The following MRPS27 variants were observed in gnomAD, a reference collection of about 807,000 sequenced individuals.
The protein encoded by MRPS27 is mitochondrial ribosomal protein S27, also known as small ribosomal subunit protein mS27.
In MRPS27, 43 loss-of-function variants were observed where a neutral mutation model predicts 48.9. The observed-to-expected ratio is 0.88, with a 90% CI of 0.69 to 1.13. MRPS27 has a LOEUF of 1.13. Ranked by LOEUF, MRPS27 falls within the 50% of genes most tolerant of loss-of-function variation. The pLI, the probability that MRPS27 is intolerant of heterozygous loss-of-function variation, is 0.00. For synonymous variants in MRPS27, 188 were observed against 171.9 expected, an observed-to-expected ratio of 1.09 and a Z score of -0.73; for missense variants, 467 against 476.3, an observed-to-expected ratio of 0.98 and a Z score of 0.18.
At chr5:72,287,947 A>G (rs763961123) in intron 4 of MRPS27, among the ~76,000 whole-genome samples, 35 of 152,228 alleles carry the variant, frequency 2.3e-4, no homozygotes, top group Non-Finnish European at 4.6e-4. Flanking sequence ...CTATACAAAG[A>G]CTTGTGCATG....
chr5:72,318,638 T>C (rs1750631738), intron 1 of MRPS27, among the ~76,000 whole-genome samples: 2 of 151,500 alleles, frequency 1.3e-5, no homozygotes, highest in Non-Finnish European at 2.9e-5. Flanking sequence ...CTACTGAAAA[T>C]ACAAAATTAG....
intron 4 of MRPS27, among the ~76,000 whole-genome samples, chr5:72,287,754 T>C (rs1317356042): frequency 2.0e-5 from 3 of 152,238 alleles, no homozygotes; most frequent in East Asian, 1.9e-4. Context: ...ACTAAACACA[T>C]GTTGGTATGG....
intron 4 of MRPS27, among the ~76,000 whole-genome samples, chr5:72,268,796 G>A (rs184123034): frequency 2.3e-4 from 35 of 152,294 alleles, no homozygotes; most frequent in Non-Finnish European, 4.6e-4. Context: ...AGATACAAGT[G>A]ATTATTATTT....
intron 4 of MRPS27, among the ~76,000 whole-genome samples, chr5:72,266,304 G>A (rs1000868661): frequency 6.6e-6 from 1 of 152,108 alleles, no homozygotes; most frequent in African/African-American, 2.4e-5. Flanking sequence ...TGAACCATCC[G>A]TAACGTGGTG....
At chr5:72,239,995 T>A (rs552719159) in intron 4 of MRPS27, among the ~76,000 whole-genome samples, 60 of 152,294 alleles carry the variant, frequency 3.9e-4, no homozygotes, top group African/African-American at 1.4e-3. Context: ...AAGAAAAAAG[T>A]CAAGTGAAGT....
In MRPS27 at chr5:72,244,611, C is replaced by T. The variant is rs189407147; in HGVS notation, c.282-6483G>A. Among the ~76,000 whole-genome samples, 33 of 152,332 alleles carry T rather than the reference C, an allele frequency of 2.2e-4. 1 individual carries two copies. The Middle Eastern group carries it at 0.01, about 47-fold the overall frequency. On this transcript the variant is annotated intron_variant, in intron 4 of 10. Transcript: ENST00000261413. ...CTTCATTTAAGTATTTACTGAGTAG[C>T]TACCTTTTGCTCAGGCATGGTGATC...
chr5:72,279,522 G>A (rs931211934), intron 4 of MRPS27, among the ~76,000 whole-genome samples: 10 of 152,048 alleles, frequency 6.6e-5, no homozygotes, highest in Admixed American at 1.3e-4. Context: ...TTTAGGAGGC[G>A]AAGATGGGAG....
intron 4 of MRPS27, among the ~76,000 whole-genome samples, chr5:72,262,969 C>T (rs1011106487): frequency 2.0e-5 from 3 of 151,964 alleles, no homozygotes; most frequent in African/African-American, 7.3e-5. Context: ...CCTTTGATAT[C>T]CTGTAAGTAC....
chr5:72,277,426 A>G (rs1463708770), intron 4 of MRPS27, among the ~76,000 whole-genome samples: 4 of 152,120 alleles, frequency 2.6e-5, no homozygotes, highest in Admixed American at 6.5e-5. Flanking sequence ...CAACATGGTG[A>G]AACCCCGTCT....
At chr5:72,229,526 T>C (rs1189668012) in intron 7 of MRPS27, 2 of 151,954 alleles carry the variant, frequency 1.3e-5, no homozygotes, top group South Asian at 2.1e-4. Flanking sequence ...CACCTAAAAC[T>C]GCATGAAAAG....
At chr5:72,266,645 G>A (rs1025523363) in intron 4 of MRPS27, among the ~76,000 whole-genome samples, 2 of 152,150 alleles carry the variant, frequency 1.3e-5, no homozygotes, top group African/African-American at 4.8e-5. Flanking sequence ...AGATCACGAG[G>A]TCAGGAGATC....
chr5:72,283,877 A>G (rs968024943), intron 4 of MRPS27, among the ~76,000 whole-genome samples: 1 of 152,076 alleles, frequency 6.6e-6, no homozygotes, highest in Non-Finnish European at 1.5e-5. Context: ...CTGTCTCTAC[A>G]TTCAACCTGC....
At chr5:72,308,728 A>G (rs917115117) in intron 2 of MRPS27, among the ~76,000 whole-genome samples, 1 of 152,238 alleles carries the variant, frequency 6.6e-6, no homozygotes, top group African/African-American at 2.4e-5. Context: ...GTAAAACCGA[A>G]AACAATGTCC....
Position 72,223,823 on chromosome 5 carries a change from C to G in MRPS27, c.865G>C (p.Ala289Pro). ...GAAGCCCCATCAGCTGAAGTCAGAG[C>G]CTTCAGCACTGCACCCAGCACATCG... ...ALDVLGAVLK[A>P]LTSADGASEE... Residue 289 changes from alanine (A) to proline (P), a missense_variant, in exon 10 of 11, where the codon GCT becomes CCT. Coordinates refer to ENST00000261413, the MANE Select transcript of MRPS27 (RefSeq NM_015084.3). 6.2e-7 allele frequency: 1 copy of G among 1,613,908 alleles called. No homozygotes were observed.
chr5:72,300,758 T>C (rs1489595781), intron 2 of MRPS27, among the ~76,000 whole-genome samples: 8 of 152,218 alleles, frequency 5.3e-5, no homozygotes, highest in Non-Finnish European at 1.5e-5. Flanking sequence ...CCTGACCTTG[T>C]TTTAACTACT....
At chr5:72,266,112 C>CA (rs1749102175) in intron 4 of MRPS27, among the ~76,000 whole-genome samples, 3 of 151,156 alleles carry the variant, frequency 2.0e-5, no homozygotes, top group South Asian at 4.2e-4. Context: ...GTGGAGTAGA[C>CA]AAAAAAATGA....
rs1747708147 is a variant in MRPS27, at chr5:72,220,379, G to A, written c.*530C>T. On this transcript the variant is annotated 3_prime_UTR_variant, in exon 11 of 11. Coordinates refer to ENST00000261413, the MANE Select transcript of MRPS27 (RefSeq NM_015084.3). ...CTACTAAAAATGCAAAAATTAGAAA[G>A]GTGTGGTGGTATGCACCTGTAATCC... The A allele has an allele frequency of 6.5e-6, 1 of 152,846 alleles. No homozygotes were observed. The highest frequency in any genetic ancestry group is 2.4e-5 in the African/African-American group (1 of 41,450). 9.5% of individuals were successfully genotyped at this position (152,846 alleles called of 1,614,324 possible). A position where few individuals can be genotyped will look rare whatever the true frequency, so the allele number is the denominator to read the frequency against.
intron 4 of MRPS27, among the ~76,000 whole-genome samples, chr5:72,242,745 G>C (rs1748394570): frequency 6.7e-6 from 1 of 150,362 alleles, no homozygotes; most frequent in South Asian, 2.1e-4. Flanking sequence ...CCAAAAATAG[G>C]GGGGAAAAAA....
intron 4 of MRPS27, among the ~76,000 whole-genome samples, chr5:72,271,995 G>A (rs1044469162): frequency 5.9e-5 from 9 of 152,086 alleles, no homozygotes; most frequent in African/African-American, 1.5e-4. Flanking sequence ...GTTATTTTAA[G>A]CTCTAGTTTT....
Sources: allele counts gnomAD v4.1 joint callset (sites outside exome capture counted in the v4.1 genomes callset), GRCh38; gene constraint gnomAD v4.1.1; transcripts MANE v1.5; gene names NCBI Gene and HGNC (gene_info 2026-07-23, HGNC 2026-07-21).